The following KDM1B variants were observed in gnomAD, a reference collection of about 807,000 sequenced individuals.
KDM1B encodes the protein lysine-specific histone demethylase 2.
KDM1B carries 63 observed loss-of-function variants against 107.4 expected under a neutral mutation model. That is an observed-to-expected ratio of 0.59 (90% confidence interval 0.48 to 0.72). KDM1B has a LOEUF of 0.72. Ranked by LOEUF, KDM1B falls within the 30% of genes least tolerant of loss-of-function variation. The pLI is 0.00. For synonymous variants in KDM1B, 363 were observed against 363.9 expected, an observed-to-expected ratio of 1.00 and a Z score of 0.03; for missense variants, 749 against 1,020.8, an observed-to-expected ratio of 0.73 and a Z score of 3.63.
At chr6:18,168,093 C>G (rs952963312) in intron 6 of KDM1B, among the ~76,000 whole-genome samples, 1 of 152,168 alleles carries the variant, frequency 6.6e-6, no homozygotes, top group African/African-American at 2.4e-5. Flanking sequence ...ATAAGTAATG[C>G]TGAGCTTTGT....
In KDM1B at chr6:18,161,361, A is replaced by G. The variant is rs1784961364; in HGVS notation, c.122A>G (p.Asp41Gly). 3 of 1,613,918 alleles carry G rather than the reference A, an allele frequency of 1.9e-6. No individual in the cohort carries two copies. The highest frequency in any genetic ancestry group is 1.1e-5 in the South Asian group (1 of 91,090). ...AAAGCAACAGAGACAACAGATGAGGATGAAGATGGTGGCTCAGAGAAGAAG... is the reference window on the plus strand; with the variant it reads ...AAAGCAACAGAGACAACAGATGAGGGTGAAGATGGTGGCTCAGAGAAGAAG... ...KKKATETTDEDEDGGSEKKYR... is the reference protein window; with the variant it reads ...KKKATETTDEGEDGGSEKKYR... The change falls in exon 4 of 22, where the codon GAT becomes GGT. Residue 41 changes from aspartate to glycine, a missense_variant. Coordinates refer to ENST00000650836, the MANE Select transcript of KDM1B (RefSeq NM_001364614.2).
At chr6:18,210,195 C>G (rs549617487) in intron 17 of KDM1B, among the ~76,000 whole-genome samples, 1 of 152,172 alleles carries the variant, frequency 6.6e-6, no homozygotes. Context: ...TTCAACCCAA[C>G]GTGATAGACC....
In KDM1B at chr6:18,191,378, C is replaced by T; in HGVS notation, c.966C>T (p.Cys322=). ...NLILALWYTN[C]KEALTPQKCI... ...TCCTCGCACTGTGGTATACTAACTG[C>T]AAAGTAAGTAAGGGCATGTTAGCCA... Residue 322 remains cysteine, a synonymous_variant, in exon 10 of 22, where the codon TGC becomes TGT. Coordinates refer to ENST00000650836, the MANE Select transcript of KDM1B (RefSeq NM_001364614.2). This position sits in a 1 kb window ranked among gnomAD's most constrained non-coding sequence, Gnocchi z 5.1. 1 of 1,550,366 alleles carries T rather than the reference C, an allele frequency of 6.5e-7. No homozygotes were observed. The highest frequency in any genetic ancestry group is 8.7e-7 in the Non-Finnish European group (1 of 1,146,592).
At position 18,222,959 on chromosome 6, in the gene KDM1B, G is replaced by A. The variant is rs993090652; in HGVS notation, c.*967G>A. 6.6e-6 allele frequency: 1 copy of A among 152,482 alleles called. No individual in the cohort carries two copies. Among genetic ancestry groups the A allele is most frequent in the African/African-American group, 2.4e-5 (1 of 41,392 alleles). 9.4% of individuals were successfully genotyped at this position (152,482 alleles called of 1,614,324 possible). On this transcript the variant is annotated 3_prime_UTR_variant, in exon 22 of 22. Transcript: ENST00000650836. ...CTGCAGAAAAATGTGAGCTCTCCTG[G>A]TAAATAGTATACATTTTATAAGCTA...
In KDM1B at chr6:18,158,152, A is replaced by G. The variant is rs1055441453; in HGVS notation, c.-13-1731A>G. ...GAACATCATTAGCATTTTCTCCAAC[A>G]GTATGATAGATGTTGTAGAACTAAA... On this transcript the variant is annotated intron_variant, in intron 2 of 21. Coordinates refer to ENST00000650836, the MANE Select transcript of KDM1B (RefSeq NM_001364614.2). Among the ~76,000 whole-genome samples, 4 of 152,188 alleles carry G rather than the reference A, an allele frequency of 2.6e-5. No homozygotes were observed. The South Asian group carries it at 6.2e-4, about 24-fold the overall frequency.
At chr6:18,161,703 G>A (rs2328212) in intron 4 of KDM1B, among the ~76,000 whole-genome samples, 140,584 of 152,126 alleles carry the variant, frequency 0.92, 65,022 homozygotes, top group African/African-American at 0.94. Context: ...CTCAAATCCA[G>A]CCAACCATAT....
intron 6 of KDM1B, among the ~76,000 whole-genome samples, chr6:18,168,353 C>A (rs531908957): frequency 7.9e-5 from 12 of 152,332 alleles, no homozygotes; most frequent in Non-Finnish European, 1.0e-4. Flanking sequence ...TGAATGGAAT[C>A]GTGCAACATG....
intron 15 of KDM1B, among the ~76,000 whole-genome samples, chr6:18,206,953 G>C (rs214602): frequency 0.074 from 11,336 of 152,226 alleles, 499 homozygotes; most frequent in South Asian, 0.22. Flanking sequence ...GATGATTTCA[G>C]AGGCCCCTTT....
chr6:18,168,138 C>A (rs184447771), intron 6 of KDM1B, among the ~76,000 whole-genome samples: 1 of 152,126 alleles, frequency 6.6e-6, no homozygotes, highest in Non-Finnish European at 1.5e-5. Context: ...AAGTAAAATT[C>A]GTATAACATA....
intron 7 of KDM1B, among the ~76,000 whole-genome samples, chr6:18,178,106 G>A (rs1464411009): frequency 2.0e-5 from 3 of 151,892 alleles, no homozygotes; most frequent in Non-Finnish European, 4.4e-5. Context: ...TGTTTTGGAC[G>A]GAGTCTCACT....
intron 6 of KDM1B, among the ~76,000 whole-genome samples, chr6:18,169,863 G>C (rs1192309551): frequency 2.0e-5 from 3 of 151,950 alleles, no homozygotes; most frequent in African/African-American, 7.3e-5. Context: ...ATATCTGCAT[G>C]CTTTTAAAAA....
At position 18,172,578 on chromosome 6, in the gene KDM1B, A is replaced by G. The variant is rs1417742699; in HGVS notation, c.534+1099A>G. On this transcript the variant is annotated intron_variant, in intron 7 of 21. Coordinates refer to ENST00000650836, the MANE Select transcript of KDM1B (RefSeq NM_001364614.2). The surrounding 1 kb of genome is among the most constrained non-coding windows in gnomAD (Gnocchi z 5.2). Reference sequence around the variant, plus strand: ...ATGCCCAACCAGTAAGTATGTTGCAAACATTCCAAAATCCAAAACACTTCT... The same window carrying G: ...ATGCCCAACCAGTAAGTATGTTGCAGACATTCCAAAATCCAAAACACTTCT... 1.3e-5 allele frequency among the ~76,000 whole-genome samples: 2 copies of G among 152,170 alleles called. No individual in the cohort carries two copies. The highest frequency in any genetic ancestry group is 4.8e-5 in the African/African-American group (2 of 41,440).
chr6:18,196,665 A>G (rs538660759), intron 10 of KDM1B, among the ~76,000 whole-genome samples: 1 of 152,308 alleles, frequency 6.6e-6, no homozygotes, highest in East Asian at 1.9e-4. Flanking sequence ...TGGCATCTCT[A>G]CTAAACACTA....
rs1489470999 is a variant in KDM1B at position 18,222,275 on chromosome 6, G to C, written c.*283G>C. 1.9e-6 allele frequency: 1 copy of C among 514,000 alleles called. No homozygotes were observed. The highest frequency in any genetic ancestry group is 3.7e-6 in the Non-Finnish European group (1 of 271,690). The allele number at this position is 514,000 out of a possible 1,614,324, so 31.8% of individuals were successfully genotyped here. A position where few individuals can be genotyped will look rare whatever the true frequency, so the allele number is the denominator to read the frequency against. Reference sequence around the variant, plus strand: ...AATGTAAGTTTCAGTTGAGGCCATGGATTTGATTGTTCCATGGCTGGAAGT... The same window carrying C: ...AATGTAAGTTTCAGTTGAGGCCATGCATTTGATTGTTCCATGGCTGGAAGT... On this transcript the variant is annotated 3_prime_UTR_variant, in exon 22 of 22. Transcript: ENST00000650836.
chr6:18,164,192 A>T (rs1372138320), intron 5 of KDM1B, among the ~76,000 whole-genome samples: 1 of 151,846 alleles, frequency 6.6e-6, no homozygotes, highest in African/African-American at 2.4e-5. Context: ...CAGTGGTGCG[A>T]TCTGGACTCA....
intron 6 of KDM1B, among the ~76,000 whole-genome samples, chr6:18,167,288 C>T (rs1445136321): frequency 2.6e-5 from 4 of 151,068 alleles, no homozygotes; most frequent in African/African-American, 9.7e-5. Flanking sequence ...ACCCAGGAAG[C>T]GGAGGTTGCA....
chr6:18,158,326 A>C (rs1483328555), intron 2 of KDM1B, among the ~76,000 whole-genome samples: 2 of 68,214 alleles, frequency 2.9e-5, no homozygotes, highest in Non-Finnish European at 7.0e-5. Flanking sequence ...TCCTTCACAA[A>C]AAAAAAAAAA....
chr6:18,218,758 A>G (rs214579), intron 21 of KDM1B, among the ~76,000 whole-genome samples: 75,355 of 151,822 alleles, frequency 0.5, 19,267 homozygotes, highest in African/African-American at 0.63. Flanking sequence ...TGAGCTGGCC[A>G]GCTAGCTCCA....
chr6:18,197,483 A>G lies in KDM1B; in HGVS notation c.1147-104A>G. On this transcript the variant is annotated intron_variant, in intron 11 of 21. Transcript: ENST00000650836. This position sits in a 1 kb window ranked among gnomAD's most constrained non-coding sequence, Gnocchi z 4.5. ...AGGAAAATAACTTTCTAAGGACATC[A>G]AAGAAATGTAAATGAACGAATTTGC... 1 of 937,708 alleles carries G rather than the reference A, an allele frequency of 1.1e-6. No individual in the cohort carries two copies. Among genetic ancestry groups the G allele is most frequent in the South Asian group, 1.4e-5 (1 of 71,380 alleles). The allele number at this position is 937,708 out of a possible 1,614,324, so 58.1% of individuals were successfully genotyped here.
Sources: gnomAD v4.1 joint callset for allele counts (sites outside exome capture counted in the v4.1 genomes callset) on GRCh38, gnomAD v4.1.1 for gene constraint, Gnocchi (gnomAD v3.1) non-coding constraint, MANE v1.5 for transcripts, NCBI Gene and HGNC (gene_info 2026-07-23, HGNC 2026-07-21) for gene names.